The following BRINP3 variants were observed in gnomAD, a reference collection of about 807,000 sequenced individuals.
BRINP3 encodes the protein BMP/retinoic acid inducible neural specific 3, also known as BMP/retinoic acid-inducible neural-specific protein 3.
A neutral mutation model predicts 71.0 loss-of-function variants in BRINP3; 19 were observed. That is an observed-to-expected ratio of 0.27 (90% CI 0.19 to 0.39). The LOEUF (loss-of-function observed/expected upper bound fraction) is 0.39. Among genes scored for constraint, BRINP3 ranks in the 10% least tolerant of loss-of-function variants. The pLI is 1.00. For synonymous variants in BRINP3, 380 were observed against 337.7 expected (o/e 1.13, Z -1.37); for missense variants, 959 against 940.8 (o/e 1.02, Z -0.25).
chr1:190,275,758 G>T (rs1372011243), intron 3 of BRINP3, among the ~76,000 whole-genome samples: 1 of 151,564 alleles, frequency 6.6e-6, no homozygotes, highest in Non-Finnish European at 1.5e-5. Context: ...TACCTTGGTT[G>T]CCACGAACAC....
At chr1:190,251,298 T>C (rs1660120572) in intron 4 of BRINP3, among the ~76,000 whole-genome samples, 1 of 152,004 alleles carries the variant, frequency 6.6e-6, no homozygotes, top group Admixed American at 6.6e-5. Flanking sequence ...ACTTAATATG[T>C]GCCAGGTACT....
intron 6 of BRINP3, among the ~76,000 whole-genome samples, chr1:190,176,330 G>A (rs1224807832): frequency 6.6e-6 from 1 of 152,106 alleles, no homozygotes; most frequent in Non-Finnish European, 1.5e-5. Flanking sequence ...CCATTGGTCT[G>A]CAAGTTGATT....
Position 190,338,928 on chromosome 1 carries a change from G to T in BRINP3, c.237-57178C>A, listed in dbSNP as rs577453223. ...GAATGTTTCTTATGCATAGTTACAA[G>T]GTGTGATGGTGTAAGCAAGTATATA... On this transcript the variant is annotated intron_variant, in intron 2 of 7. Coordinates refer to ENST00000367462, the MANE Select transcript of BRINP3 (RefSeq NM_199051.3). Among the ~76,000 whole-genome samples the T allele has an allele frequency of 4.0e-5, 6 of 151,618 alleles. No individual in the cohort carries two copies. The South Asian group carries it at 1.2e-3, about 31-fold the overall frequency.
At chr1:190,345,715 GAAA>G (rs10664849) in intron 2 of BRINP3, among the ~76,000 whole-genome samples, 1 of 103,630 alleles carries the variant, frequency 9.6e-6, no homozygotes, top group African/African-American at 3.4e-5. Flanking sequence ...TTTACCTTCA[GAAA>G]AAAAAAAAAA....
chr1:190,165,813 A>G (rs1651481954), intron 6 of BRINP3, among the ~76,000 whole-genome samples: 1 of 152,120 alleles, frequency 6.6e-6, no homozygotes, highest in South Asian at 2.1e-4. Flanking sequence ...GAGTGAGAAG[A>G]AAGACTCACG....
At chr1:190,243,668 GGC>G (rs1308096512) in intron 4 of BRINP3, among the ~76,000 whole-genome samples, 1 of 152,000 alleles carries the variant, frequency 6.6e-6, no homozygotes, top group Non-Finnish European at 1.5e-5. Flanking sequence ...CCTGGTTCAG[GGC>G]TGTGGCATTT....
chr1:190,319,086 C>T (rs1439297453), intron 2 of BRINP3, among the ~76,000 whole-genome samples: 2 of 152,090 alleles, frequency 1.3e-5, no homozygotes, highest in African/African-American at 4.8e-5. Context: ...TGTGCTTATT[C>T]ACCTTAATAT....
At chr1:190,470,018 A>C (rs1301861578) in intron 1 of BRINP3, among the ~76,000 whole-genome samples, 1 of 151,080 alleles carries the variant, frequency 6.6e-6, no homozygotes, top group Admixed American at 6.6e-5. Context: ...TGAGAATTTA[A>C]TGAATCTGTA....
chr1:190,256,033 G>C (rs1169093322), intron 4 of BRINP3, among the ~76,000 whole-genome samples: 1 of 152,176 alleles, frequency 6.6e-6, no homozygotes, highest in Non-Finnish European at 1.5e-5. Flanking sequence ...TTACCCAGTA[G>C]TCATTCAGGA....
At chr1:190,384,890 A>G (rs965378251) in intron 2 of BRINP3, among the ~76,000 whole-genome samples, 6 of 152,050 alleles carry the variant, frequency 3.9e-5, no homozygotes, top group East Asian at 3.9e-4. Context: ...AAAAATAATG[A>G]ACAGAGCCCT....
intron 6 of BRINP3, among the ~76,000 whole-genome samples, chr1:190,211,249 G>A (rs1440813607): frequency 1.3e-5 from 2 of 152,080 alleles, no homozygotes; most frequent in Admixed American, 6.6e-5. Context: ...CTGGGTGACA[G>A]AGCAAGACTC....
chr1:190,287,642 C>G (rs1177971624), intron 2 of BRINP3, among the ~76,000 whole-genome samples: 2 of 151,932 alleles, frequency 1.3e-5, no homozygotes, highest in East Asian at 3.9e-4. Context: ...GAAAAAGCTG[C>G]CAAACTCAAA....
At chr1:190,315,684 T>C (rs1032541356) in intron 2 of BRINP3, among the ~76,000 whole-genome samples, 2 of 152,126 alleles carry the variant, frequency 1.3e-5, no homozygotes, top group Non-Finnish European at 2.9e-5. Context: ...AATCCAGAAT[T>C]GATGGACATA....
At chr1:190,305,455 T>A (rs929133031) in intron 2 of BRINP3, among the ~76,000 whole-genome samples, 1 of 151,804 alleles carries the variant, frequency 6.6e-6, no homozygotes, top group African/African-American at 2.4e-5. Context: ...ACAATATGAA[T>A]GAACCTGGAG....
At chr1:190,204,875 A>G (rs1241726190) in intron 6 of BRINP3, among the ~76,000 whole-genome samples, 1 of 152,018 alleles carries the variant, frequency 6.6e-6, no homozygotes, top group Non-Finnish European at 1.5e-5. Context: ...AGGAAATGTG[A>G]TAGATTTAAT....
intron 2 of BRINP3, among the ~76,000 whole-genome samples, chr1:190,411,063 C>A (rs1386905861): frequency 6.6e-6 from 1 of 152,024 alleles, no homozygotes; most frequent in African/African-American, 2.4e-5. Flanking sequence ...ACCCAGACTC[C>A]TTTTAGTAAT....
At chr1:190,202,839 C>T (rs966850838) in intron 6 of BRINP3, among the ~76,000 whole-genome samples, 1 of 152,094 alleles carries the variant, frequency 6.6e-6, no homozygotes, top group African/African-American at 2.4e-5. Context: ...CCAATTAAAC[C>T]TCTCTTTTGT....
chr1:190,278,863 A>C (rs1662826492), intron 3 of BRINP3, among the ~76,000 whole-genome samples: 1 of 147,304 alleles, frequency 6.8e-6, no homozygotes, highest in South Asian at 2.1e-4. Context: ...TGGTGTATAC[A>C]AAAAAAAAAC....
chr1:190,157,407 T>C (rs1250707221), intron 7 of BRINP3, among the ~76,000 whole-genome samples: 2 of 151,998 alleles, frequency 1.3e-5, no homozygotes, highest in African/African-American at 2.4e-5. Flanking sequence ...GAACCAATGA[T>C]TGCCGTTCCT....
Sources: gnomAD v4.1 joint callset for allele counts (sites outside exome capture counted in the v4.1 genomes callset) on GRCh38, gnomAD v4.1.1 for gene constraint, MANE v1.5 for transcripts, NCBI Gene and HGNC (gene_info 2026-07-23, HGNC 2026-07-21) for gene names.